CSMD3: variants seen among roughly 807,000 people sequenced by gnomAD.
The protein encoded by CSMD3 is CUB and sushi domain-containing protein 3.
In CSMD3, 177 loss-of-function variants were observed where a neutral mutation model predicts 435.2. The observed-to-expected ratio is 0.41, with a 90% confidence interval of 0.36 to 0.46. The LOEUF (loss-of-function observed/expected upper bound fraction) is 0.46, where lower values mean the gene tolerates loss of function less well. Among genes scored for constraint, CSMD3 ranks in the 20% least tolerant of loss-of-function variants. The probability of loss-of-function intolerance (pLI) is 0.34; values close to 1 mark genes in which losing one functional copy is unlikely to be tolerated. For missense variants in CSMD3, 4,265 were observed against 4,504.6 expected, an observed-to-expected ratio of 0.95 and a Z score of 1.52; for synonymous variants, 1,656 against 1,520.5, an observed-to-expected ratio of 1.09 and a Z score of -2.07.
At chr8:113,394,304 A>G (rs1323125064) in intron 1 of CSMD3, among the ~76,000 whole-genome samples, 1 of 152,132 alleles carries the variant, frequency 6.6e-6, no homozygotes, top group Non-Finnish European at 1.5e-5. Context: ...GTGAATTTCC[A>G]AAGAGAAGGG....
intron 5 of CSMD3, among the ~76,000 whole-genome samples, chr8:113,078,883 C>T (rs776361775): frequency 5.5e-4 from 84 of 152,184 alleles, no homozygotes; most frequent in Non-Finnish European, 9.4e-4. Context: ...ATTTAGAGAA[C>T]GCAGCCAGGG....
chr8:113,232,486 T>C (rs2132195244), intron 3 of CSMD3, among the ~76,000 whole-genome samples: 1 of 151,864 alleles, frequency 6.6e-6, no homozygotes, highest in Admixed American at 6.6e-5. Context: ...GGAAGCCTAA[T>C]ATTTTCATTG....
At chr8:112,534,753 T>C (rs1026152279) in intron 27 of CSMD3, among the ~76,000 whole-genome samples, 2 of 151,960 alleles carry the variant, frequency 1.3e-5, no homozygotes, top group African/African-American at 4.8e-5. Context: ...ACCAATATCC[T>C]TGATGAACAT....
At chr8:112,226,652 A>G (rs997820168) in intron 70 of CSMD3, among the ~76,000 whole-genome samples, 3 of 152,240 alleles carry the variant, frequency 2.0e-5, no homozygotes, top group African/African-American at 7.2e-5. Flanking sequence ...TATTTGCAAA[A>G]CATATATCTA....
chr8:112,281,388 G>C (rs984968950), intron 58 of CSMD3, 38 bp from the exon 59 acceptor site: 1 of 1,552,420 alleles, frequency 6.4e-7, no homozygotes, highest in Non-Finnish European at 8.9e-7. Flanking sequence ...TATAAAAAAT[G>C]CAATCAGAAA....
rs759122648 is a variant in CSMD3, at chr8:112,859,212, T to C, written c.1688A>G (p.Asn563Ser). 10 of 1,611,026 alleles carry C rather than the reference T, an allele frequency of 6.2e-6. No homozygotes were observed. Among genetic ancestry groups the C allele is most frequent in the Non-Finnish European group, 8.5e-6 (10 of 1,177,676 alleles). Residue 563 changes from asparagine to serine, a missense_variant, in exon 11 of 71, where the codon AAC becomes AGC. By Grantham distance (46) the Asn-to-Ser change is conservative (BLOSUM62 1). Coordinates refer to ENST00000297405, the MANE Select transcript of CSMD3 (RefSeq NM_198123.2). ...QGPSGTFTSP[N>S]FPFQYDSNAQ... ...ATTGCTGTCATACTGGAACGGAAAGTTGGGAGATGTAAAGGTACCACTTGG... is the reference window on the plus strand; with the variant it reads ...ATTGCTGTCATACTGGAACGGAAAGCTGGGAGATGTAAAGGTACCACTTGG...
intron 27 of CSMD3, among the ~76,000 whole-genome samples, chr8:112,539,535 C>T (rs530786404): frequency 4.6e-5 from 7 of 151,976 alleles, no homozygotes; most frequent in Non-Finnish European, 7.4e-5. Flanking sequence ...TGCAAAGCTA[C>T]AGTAATCAAG....
chr8:113,423,463 T>C (rs906242662), intron 1 of CSMD3, among the ~76,000 whole-genome samples: 1 of 152,010 alleles, frequency 6.6e-6, no homozygotes, highest in Admixed American at 6.6e-5. Flanking sequence ...ATGTAAATTG[T>C]CAGTGATACT....
At chr8:112,627,312 A>G (rs1834562876) in intron 22 of CSMD3, among the ~76,000 whole-genome samples, 2 of 152,164 alleles carry the variant, frequency 1.3e-5, no homozygotes. Flanking sequence ...TGCTCTAGGT[A>G]TTTCTGAACT....
intron 20 of CSMD3, among the ~76,000 whole-genome samples, chr8:112,640,565 A>G (rs2131595706): frequency 6.6e-6 from 1 of 151,924 alleles, no homozygotes; most frequent in South Asian, 2.1e-4. Context: ...TACTATTTTC[A>G]AATTATTTTT....
At position 112,769,581 on chromosome 8, in the gene CSMD3, T is replaced by C. The variant is rs1284883001; in HGVS notation, c.1972+30581A>G. On this transcript the variant is annotated intron_variant, in intron 13 of 70. Transcript: ENST00000297405. Reference sequence around the variant, plus strand: ...ATTAGAAAAGATTTGAATATCATATTTGTGGACATTGTAGGCCTGTAACCT... The same window carrying C: ...ATTAGAAAAGATTTGAATATCATATCTGTGGACATTGTAGGCCTGTAACCT... Among the ~76,000 whole-genome samples the C allele has an allele frequency of 3.3e-5, 5 of 152,188 alleles. 1 individual carries two copies. In the South Asian group the frequency reaches 1.0e-3, roughly 32 times the overall value.
At position 112,658,037 on chromosome 8, in the gene CSMD3, T is replaced by C. The variant is rs1211260693; in HGVS notation, c.2817-1696A>G. On this transcript the variant is annotated intron_variant, in intron 17 of 70. Transcript: ENST00000297405. Reference sequence around the variant, plus strand: ...AATGAATGTATTTTACAGTTAAAAATGTCTTTCTTTTCTCTAGGGTAGTTA... The same window carrying C: ...AATGAATGTATTTTACAGTTAAAAACGTCTTTCTTTTCTCTAGGGTAGTTA... 2.6e-5 allele frequency among the ~76,000 whole-genome samples: 4 copies of C among 152,190 alleles called. No individual in the cohort carries two copies. In the East Asian group the frequency reaches 7.7e-4, roughly 29 times the overall value.
At chr8:112,600,477 C>T (rs927412632) in intron 22 of CSMD3, among the ~76,000 whole-genome samples, 1 of 152,082 alleles carries the variant, frequency 6.6e-6, no homozygotes, top group Non-Finnish European at 1.5e-5. Flanking sequence ...ATAAATATGG[C>T]TATGTCAAAA....
intron 3 of CSMD3, among the ~76,000 whole-genome samples, chr8:113,189,954 C>A (rs1445773710): frequency 1.3e-5 from 2 of 151,570 alleles, no homozygotes; most frequent in African/African-American, 4.8e-5. Context: ...TTTATTTTAG[C>A]CTTTAAAATA....
chr8:112,577,592 TATA>T (rs1830043795), intron 23 of CSMD3, among the ~76,000 whole-genome samples: 1 of 152,110 alleles, frequency 6.6e-6, no homozygotes, highest in Admixed American at 6.6e-5. Context: ...TGATGGCTTT[TATA>T]ATGTTAATGA....
chr8:112,410,616 G>GTATATATATATGTA lies in CSMD3; in HGVS notation c.5396-1585_5396-1584insTACATATATATATA, dbSNP rs200328572. 1.8e-3 allele frequency among the ~76,000 whole-genome samples: 120 copies of GTATATATATATGTA among 67,584 alleles called. 13 individuals are homozygous for GTATATATATATGTA. The highest frequency in any genetic ancestry group is 1.3e-3 in the Non-Finnish European group (43 of 32,900). 44.3% of individuals were successfully genotyped at this position (67,584 alleles called of 152,430 possible). A position where few individuals can be genotyped will look rare whatever the true frequency, so the allele number is the denominator to read the frequency against. ...TATATATATATGTGTATATATATATGTATATATATGTGTATATATATGTAT... is the reference window on the plus strand; with the variant it reads ...TATATATATATGTGTATATATATATGTATATATATATGTATATATATATGTGTATATATATGTAT... On this transcript the variant is annotated intron_variant, in intron 32 of 70. Transcript: ENST00000297405.
chr8:112,268,634 C>T (rs1227762775), intron 59 of CSMD3, among the ~76,000 whole-genome samples: 2 of 152,074 alleles, frequency 1.3e-5, no homozygotes, highest in Non-Finnish European at 2.9e-5. Context: ...TTTATGCAAC[C>T]AAAGACCTAT....
chr8:112,868,365 A>G (rs2081043052), intron 10 of CSMD3, among the ~76,000 whole-genome samples: 1 of 152,184 alleles, frequency 6.6e-6, no homozygotes. Context: ...GGTGTAGTAA[A>G]TACTTAAACC....
chr8:112,553,488 A>G (rs2131207002), intron 25 of CSMD3, among the ~76,000 whole-genome samples: 1 of 152,148 alleles, frequency 6.6e-6, no homozygotes, highest in South Asian at 2.1e-4. Flanking sequence ...TAGTTAGCAT[A>G]TTGCTCTACG....
Sources: gnomAD v4.1 joint callset for allele counts (sites outside exome capture counted in the v4.1 genomes callset) on GRCh38, gnomAD v4.1.1 for gene constraint, MANE v1.5 for transcripts, NCBI Gene and HGNC (gene_info 2026-07-23, HGNC 2026-07-21) for gene names.